The following UGT1A9 variants were observed in gnomAD, a reference collection of about 807,000 sequenced individuals.
The protein encoded by UGT1A9 is UDP glucuronosyltransferase family 1 member A9.
In UGT1A9, 35 loss-of-function variants were observed where a neutral mutation model predicts 45.0. The observed-to-expected ratio is 0.78, with a 90% CI of 0.59 to 1.03. UGT1A9 has a LOEUF of 1.03. UGT1A9 is among the 50% of genes least tolerant of loss of function. The pLI is 0.00. For missense variants in UGT1A9, 687 were observed against 666.6 expected (o/e 1.03, Z -0.34); for synonymous variants, 278 against 250.6 (o/e 1.11, Z -1.03).
chr2:233,718,702 T>C (rs904899091), intron 1 of UGT1A9: 3 of 1,600,624 alleles, frequency 1.9e-6, no homozygotes, highest in African/African-American at 2.7e-5. Context: ...GGGCACTTTG[T>C]CTTCCAATTA....
At chr2:233,682,370 G>T in intron 1 of UGT1A9, 1 of 1,614,042 alleles carries the variant, frequency 6.2e-7, no homozygotes, top group South Asian at 1.1e-5. Context: ...TTTTGATGCA[G>T]TGTTTCTCGA....
At chr2:233,743,262 C>T (rs764022501) in intron 1 of UGT1A9, 18 of 451,920 alleles carry the variant, frequency 4.0e-5, no homozygotes, top group Non-Finnish European at 7.5e-5. Context: ...CTCCATCTTC[C>T]TCCACTTCCA....
chr2:233,713,105 C>A (rs1300950755), intron 1 of UGT1A9: 1 of 1,614,212 alleles, frequency 6.2e-7, no homozygotes, highest in Admixed American at 1.7e-5. Flanking sequence ...CCACTGATGG[C>A]AGCCACTGGC....
intron 1 of UGT1A9, chr2:233,691,420 A>T: frequency 1.0e-6 from 1 of 985,520 alleles, no homozygotes; most frequent in Non-Finnish European, 1.2e-6. Flanking sequence ...TGGCCCCTCT[A>T]ATCATGTTGC....
intron 1 of UGT1A9, among the ~76,000 whole-genome samples, chr2:233,746,241 G>A (rs1177862804): frequency 6.6e-6 from 1 of 151,746 alleles, no homozygotes; most frequent in African/African-American, 2.4e-5. Context: ...ACTGCTAAAA[G>A]ATACAAGGCA....
chr2:233,714,359 G>T (rs754648080), intron 1 of UGT1A9, among the ~76,000 whole-genome samples: 56 of 152,316 alleles, frequency 3.7e-4, no homozygotes, highest in East Asian at 3.9e-4. Context: ...AGGTTTCAAA[G>T]AAGTTGACTC....
rs969396704 is a variant in UGT1A9 at position 233,741,897 on chromosome 2, C to A, written c.856-25137C>A. On this transcript the variant is annotated intron_variant, in intron 1 of 4. Coordinates refer to ENST00000354728, the MANE Select transcript of UGT1A9 (RefSeq NM_021027.3). ...AGAGGTGACCCTAGAAGAAGGGACC[C>A]TTTGTGATGGAAAAGGTCTTCATTT... 18 of 151,852 alleles carry A rather than the reference C, an allele frequency of 1.2e-4. 1 individual carries two copies. Among genetic ancestry groups the A allele is most frequent in the African/African-American group, 4.1e-4 (17 of 41,132 alleles). The allele number at this position is 151,852 out of a possible 1,614,324, so 9.4% of individuals were successfully genotyped here. A position where few individuals can be genotyped will look rare whatever the true frequency, so the allele number is the denominator to read the frequency against.
At chr2:233,732,276 G>C (rs1167500055) in intron 1 of UGT1A9, among the ~76,000 whole-genome samples, 35 of 152,142 alleles carry the variant, frequency 2.3e-4, no homozygotes, top group Non-Finnish European at 4.6e-4. Context: ...TTTTGCTGTG[G>C]AGAAGCTCTT....
intron 1 of UGT1A9, among the ~76,000 whole-genome samples, chr2:233,748,545 C>G (rs949815258): frequency 1.3e-5 from 2 of 151,744 alleles, no homozygotes; most frequent in African/African-American, 4.9e-5. Context: ...CACAGGAGAC[C>G]TAAGCACTCG....
In UGT1A9 at chr2:233,772,840, C is replaced by G. The variant is rs1271510565; in HGVS notation, c.*281C>G. 15 of 833,784 alleles carry G rather than the reference C, an allele frequency of 1.8e-5. No homozygotes were observed. The highest frequency in any genetic ancestry group is 3.3e-5 in the Admixed American group (1 of 29,978). The allele number at this position is 833,784 out of a possible 1,614,324, so 51.6% of individuals were successfully genotyped here. A position where few individuals can be genotyped will look rare whatever the true frequency, so the allele number is the denominator to read the frequency against. On this transcript the variant is annotated 3_prime_UTR_variant, in exon 5 of 5. Transcript: ENST00000354728. ...GCAGACAGGCTGGCATTCTAGATTACTTTTCTTACTCTGAAACATGGCCTG... is the reference window on the plus strand; with the variant it reads ...GCAGACAGGCTGGCATTCTAGATTAGTTTTCTTACTCTGAAACATGGCCTG...
chr2:233,768,554 T>C lies in UGT1A9; in HGVS notation c.1295+115T>C, dbSNP rs1402826015. On this transcript the variant is annotated intron_variant, in intron 4 of 4. Transcript: ENST00000354728. ...GCGTTGTTTCAAATATAAAAACAAA[T>C]ACATAAAAATCTGGATTTTTATTTC... 4 of 1,425,606 alleles carry C rather than the reference T, an allele frequency of 2.8e-6. No individual in the cohort carries two copies. In the African/African-American group the frequency reaches 5.8e-5, roughly 21 times the overall value. 88.3% of individuals were successfully genotyped at this position (1,425,606 alleles called of 1,614,324 possible). A position where few individuals can be genotyped will look rare whatever the true frequency, so the allele number is the denominator to read the frequency against.
intron 1 of UGT1A9, among the ~76,000 whole-genome samples, chr2:233,724,167 C>T (rs1161532135): frequency 7.9e-6 from 1 of 127,032 alleles, no homozygotes; most frequent in Non-Finnish European, 1.6e-5. Context: ...GGGGCTGACC[C>T]CCCCATCTCC....
chr2:233,693,993 C>T (rs1321694157), intron 1 of UGT1A9: 1 of 1,526,640 alleles, frequency 6.6e-7, no homozygotes, highest in Admixed American at 1.9e-5. Context: ...GAAGTGATAC[C>T]CGGCTCGGAG....
chr2:233,752,100 A>T (rs1044606587), intron 1 of UGT1A9, among the ~76,000 whole-genome samples: 1 of 152,250 alleles, frequency 6.6e-6, no homozygotes, highest in Non-Finnish European at 1.5e-5. Context: ...GACAGAAAGT[A>T]GAATCAGAGG....
chr2:233,708,846 T>C (rs1327705614), intron 1 of UGT1A9: 1 of 152,164 alleles, frequency 6.6e-6, no homozygotes, highest in East Asian at 1.9e-4. Context: ...GCAGGGCTTT[T>C]CTTTTTTAAT....
At chr2:233,752,938 T>C (rs1691143472) in intron 1 of UGT1A9, among the ~76,000 whole-genome samples, 1 of 152,262 alleles carries the variant, frequency 6.6e-6, no homozygotes, top group African/African-American at 2.4e-5. Context: ...CACTCTTTGC[T>C]GACCACTGAA....
At chr2:233,743,995 GC>G (rs1271235263) in intron 1 of UGT1A9, 1 of 1,246,764 alleles carries the variant, frequency 8.0e-7, no homozygotes. Flanking sequence ...AGGCCCGAGT[GC>G]TCGGAGACCT....
chr2:233,693,277 C>T, intron 1 of UGT1A9: 1 of 1,614,128 alleles, frequency 6.2e-7, no homozygotes, highest in Non-Finnish European at 8.5e-7. Flanking sequence ...AGAACCGTTA[C>T]CAATCATTTG....
At chr2:233,681,168 A>G (rs2074512154) in intron 1 of UGT1A9, among the ~76,000 whole-genome samples, 1 of 151,850 alleles carries the variant, frequency 6.6e-6, no homozygotes, top group African/African-American at 2.4e-5. Context: ...GGTCAACGCT[A>G]AGACCCTTGC....
Sources: allele counts gnomAD v4.1 joint callset (sites outside exome capture counted in the v4.1 genomes callset), GRCh38; gene constraint gnomAD v4.1.1; transcripts MANE v1.5; gene names NCBI Gene and HGNC (gene_info 2026-07-23, HGNC 2026-07-21).